Variants in BMPR1B observed in about 807,000 individuals in gnomAD.
BMPR1B encodes the protein bone morphogenetic protein receptor type-1B.
Under a neutral mutation model 59.1 loss-of-function variants are expected in BMPR1B, and 12 were observed. The ratio of observed to expected loss-of-function variants is 0.20; its 90% CI spans 0.13 to 0.33. BMPR1B has a LOEUF of 0.33. Among genes scored for constraint, BMPR1B ranks in the 10% least tolerant of loss-of-function variants. The pLI is 1.00. For synonymous variants in BMPR1B, 237 were observed against 207.3 expected (o/e 1.14, Z -1.23); for missense variants, 550 against 610.9 (o/e 0.90, Z 1.05).
At chr4:94,820,406 G>A (rs1724163934) in intron 1 of BMPR1B, among the ~76,000 whole-genome samples, 1 of 152,184 alleles carries the variant, frequency 6.6e-6, no homozygotes, top group South Asian at 2.1e-4. Flanking sequence ...TGAAGTAACC[G>A]GATTGCTTGC....
At chr4:94,898,124 A>AT (rs1727662005) in intron 2 of BMPR1B, among the ~76,000 whole-genome samples, 1 of 150,212 alleles carries the variant, frequency 6.7e-6, no homozygotes, top group South Asian at 2.1e-4. Context: ...TTTTTTAAAA[A>AT]TTTTTTTCTA....
At position 95,102,354 on chromosome 4, in the gene BMPR1B, T is replaced by C. The variant is rs574490336; in HGVS notation, c.-17-2054T>C. Among the ~76,000 whole-genome samples the C allele has an allele frequency of 3.2e-4, 49 of 152,364 alleles. No individual in the cohort carries two copies. In the South Asian group the frequency reaches 9.1e-3, roughly 28 times the overall value. On this transcript the variant is annotated intron_variant, in intron 3 of 12. Transcript: ENST00000515059. ...CCAGCTGGTAAATTCTGTGTGTGTT[T>C]AATTCATCCTAGTTAAACAGGCTGT...
chr4:95,150,768 C>T (rs1222886517), intron 11 of BMPR1B, among the ~76,000 whole-genome samples: 1 of 152,086 alleles, frequency 6.6e-6, no homozygotes, highest in African/African-American at 2.4e-5. Flanking sequence ...ATAATGTTGC[C>T]TTATTGTTAG....
intron 1 of BMPR1B, among the ~76,000 whole-genome samples, chr4:94,840,629 C>A (rs1401802042): frequency 1.4e-5 from 2 of 145,430 alleles, no homozygotes; most frequent in East Asian, 3.9e-4. Flanking sequence ...CCTTTAAGCA[C>A]TTCTTTGTAT....
intron 1 of BMPR1B, among the ~76,000 whole-genome samples, chr4:94,808,810 A>T (rs1035326826): frequency 2.0e-5 from 3 of 152,230 alleles, no homozygotes; most frequent in Non-Finnish European, 4.4e-5. Context: ...TAATCCCAGC[A>T]CTTTGGGAGG....
intron 1 of BMPR1B, among the ~76,000 whole-genome samples, chr4:94,821,051 T>C (rs578060198): frequency 1.3e-5 from 2 of 152,346 alleles, no homozygotes; most frequent in Middle Eastern, 3.4e-3. Flanking sequence ...GAACCAGTAC[T>C]TAAGTGTCAC....
chr4:95,104,908 TTTTG>T (rs3841975), intron 4 of BMPR1B, among the ~76,000 whole-genome samples: 38,447 of 151,298 alleles, frequency 0.25, 5,205 homozygotes, highest in African/African-American at 0.32. Flanking sequence ...ATGCGTGTGA[TTTTG>T]TTTGTTTGTT....
intron 3 of BMPR1B, among the ~76,000 whole-genome samples, chr4:95,025,943 TA>T (rs1724322994): frequency 6.6e-6 from 1 of 152,194 alleles, no homozygotes; most frequent in Non-Finnish European, 1.5e-5. Flanking sequence ...AACATTTGTT[TA>T]ATTTTTATTA....
chr4:94,899,855 T>C (rs1299752488), intron 2 of BMPR1B, among the ~76,000 whole-genome samples: 1 of 152,070 alleles, frequency 6.6e-6, no homozygotes, highest in Non-Finnish European at 1.5e-5. Flanking sequence ...TAAATACTGT[T>C]GATGTCAACT....
At chr4:94,840,836 G>A (rs1392628957) in intron 1 of BMPR1B, among the ~76,000 whole-genome samples, 17 of 148,484 alleles carry the variant, frequency 1.1e-4, no homozygotes, top group East Asian at 1.9e-4. Flanking sequence ...GAGGAGAGGC[G>A]CTCTGCTTTT....
chr4:94,883,028 G>A (rs1262229860), intron 2 of BMPR1B, among the ~76,000 whole-genome samples: 1 of 151,390 alleles, frequency 6.6e-6, no homozygotes, highest in Non-Finnish European at 1.5e-5. Flanking sequence ...GAATTCCCTT[G>A]TGTTTTTAGC....
At chr4:95,104,684 CG>C (rs1191301420) in intron 4 of BMPR1B, 117 bp downstream of exon 4, 1 of 1,277,098 alleles carries the variant, frequency 7.8e-7, no homozygotes, top group Non-Finnish European at 1.1e-6. Flanking sequence ...CTAACACTAT[CG>C]TAAACTCTTA....
intron 3 of BMPR1B, among the ~76,000 whole-genome samples, chr4:95,005,278 A>G (rs970860616): frequency 2.0e-5 from 3 of 152,196 alleles, no homozygotes; most frequent in African/African-American, 7.2e-5. Flanking sequence ...TTAATAAAAT[A>G]TTTTTTGTGA....
chr4:95,020,593 AAAG>A (rs1453329042), intron 3 of BMPR1B, among the ~76,000 whole-genome samples: 1 of 151,610 alleles, frequency 6.6e-6, no homozygotes, highest in African/African-American at 2.4e-5. Context: ...AAAAAAAAAA[AAAG>A]AGTTATCTAG....
chr4:95,147,716 G>A (rs1401497512), intron 10 of BMPR1B, among the ~76,000 whole-genome samples: 1 of 152,044 alleles, frequency 6.6e-6, no homozygotes, highest in Non-Finnish European at 1.5e-5. Context: ...CATATCTAGG[G>A]TTTGTTACTT....
At position 94,966,487 on chromosome 4, in the gene BMPR1B, G is replaced by A. The variant is rs577646359; in HGVS notation, c.-112-29553G>A. ...ATGGAAAAACTAATGTAAAATTTTT[G>A]CTATAAGAAAAAGACATATGACTGC... On this transcript the variant is annotated intron_variant, in intron 2 of 12. Transcript: ENST00000515059. Among the ~76,000 whole-genome samples the A allele has an allele frequency of 7.9e-5, 12 of 152,174 alleles. No homozygotes were observed. The East Asian group carries it at 1.5e-3, about 20-fold the overall frequency.
chr4:94,944,008 A>C (rs1293710225), intron 2 of BMPR1B, among the ~76,000 whole-genome samples: 1 of 152,178 alleles, frequency 6.6e-6, no homozygotes, highest in East Asian at 1.9e-4. Flanking sequence ...CAAAGTGGAA[A>C]ATTTCACACA....
chr4:94,795,504 G>A (rs948166821), intron 1 of BMPR1B, among the ~76,000 whole-genome samples: 2 of 151,448 alleles, frequency 1.3e-5, no homozygotes, highest in Admixed American at 1.3e-4. Flanking sequence ...TCACTCTGTT[G>A]CTCAGGTTGG....
At chr4:94,764,139 G>A (rs1721877246) in intron 1 of BMPR1B, among the ~76,000 whole-genome samples, 1 of 152,078 alleles carries the variant, frequency 6.6e-6, no homozygotes, top group African/African-American at 2.4e-5. Flanking sequence ...TGGCTTCTAT[G>A]TCAGATATAT....
Sources: allele counts gnomAD v4.1 joint callset (sites outside exome capture counted in the v4.1 genomes callset), GRCh38; gene constraint gnomAD v4.1.1; transcripts MANE v1.5; gene names NCBI Gene and HGNC (gene_info 2026-07-23, HGNC 2026-07-21).